CDH2: variants seen among roughly 807,000 people sequenced by gnomAD.
CDH2 encodes the protein cadherin 2.
Under a neutral mutation model 92.0 loss-of-function variants are expected in CDH2, and 17 were observed. That is an observed-to-expected ratio of 0.18 (90% confidence interval 0.13 to 0.28). CDH2 has a LOEUF of 0.28. Among genes scored for constraint, CDH2 ranks in the 10% least tolerant of loss-of-function variants. The pLI is 1.00. For missense variants in CDH2, 862 were observed against 1,133.1 expected, an observed-to-expected ratio of 0.76 and a Z score of 3.44; for synonymous variants, 419 against 415.9, an observed-to-expected ratio of 1.01 and a Z score of -0.09.
Position 28,003,118 on chromosome 18 carries a change from A to G in CDH2, c.899T>C (p.Leu300Pro), listed in dbSNP as rs1342538298. 6 of 1,613,080 alleles carry G rather than the reference A, an allele frequency of 3.7e-6. No individual in the cohort carries two copies. Among genetic ancestry groups the G allele is most frequent in the Non-Finnish European group, 5.1e-6 (6 of 1,179,072 alleles). Reference sequence around the variant, plus strand: ...GATTCTGTACCTCAACATCCCATTGAGGGCATTGGGATCGTCAGCATCAAT... The same window carrying G: ...GATTCTGTACCTCAACATCCCATTGGGGGCATTGGGATCGTCAGCATCAAT... ...TAIDADDPNA[L>P]NGMLRYRIVS... The change falls in exon 7 of 16, where the codon CTC becomes CCC. Residue 300 changes from leucine to proline, a missense_variant. Around this residue, in one of 5 missense-constraint regions of CDH2, gnomAD observed 564 missense variants for 722.2 expected, o/e 0.78. Coordinates refer to ENST00000269141, the MANE Select transcript of CDH2 (RefSeq NM_001792.5).
chr18:28,177,001 G>A lies in CDH2; in HGVS notation c.22C>T (p.Leu8=), dbSNP rs1369360558. The A allele has an allele frequency of 2.0e-6, 3 of 1,483,380 alleles. No homozygotes were observed. Among genetic ancestry groups the A allele is most frequent in the Non-Finnish European group, 1.8e-6 (2 of 1,120,188 alleles). 91.9% of individuals were successfully genotyped at this position (1,483,380 alleles called of 1,614,324 possible). MCRIAGA[L]RTLLPLLAAL... is the part of the protein sequence containing the mutation. Reference sequence around the variant, plus strand: ...GCCAGCAGCGGCAGCAGGGTCCGCAGCGCTCCCGCTATCCGGCACATGGAG... The same window carrying A: ...GCCAGCAGCGGCAGCAGGGTCCGCAACGCTCCCGCTATCCGGCACATGGAG... Residue 8 remains leucine (L), a synonymous_variant, in exon 1 of 16, where the codon CTG becomes TTG. Transcript: ENST00000269141.
At position 28,152,117 on chromosome 18, in the gene CDH2, T is replaced by C. The variant is rs192097955; in HGVS notation, c.61-4333A>G. Reference sequence around the variant, plus strand: ...CAGATCCCTCGAATAGTGTGTTAAGTTCCGTATCACATTGTTATCTCACTT... The same window carrying C: ...CAGATCCCTCGAATAGTGTGTTAAGCTCCGTATCACATTGTTATCTCACTT... On this transcript the variant is annotated intron_variant, in intron 1 of 15. Coordinates refer to ENST00000269141, the MANE Select transcript of CDH2 (RefSeq NM_001792.5). 2.6e-5 allele frequency among the ~76,000 whole-genome samples: 4 copies of C among 152,292 alleles called. No homozygotes were observed. In the East Asian group the frequency reaches 7.7e-4, roughly 30 times the overall value.
At chr18:28,007,040 A>G (rs2012944838) in intron 5 of CDH2, among the ~76,000 whole-genome samples, 1 of 150,704 alleles carries the variant, frequency 6.6e-6, no homozygotes, top group African/African-American at 2.4e-5. Context: ...GGGTGCCTGT[A>G]ATCCCAGCTA....
At chr18:28,060,036 C>T (rs2014369982) in intron 2 of CDH2, among the ~76,000 whole-genome samples, 2 of 151,964 alleles carry the variant, frequency 1.3e-5, no homozygotes, top group Admixed American at 6.6e-5. Context: ...TTGATCAGAC[C>T]CTGGTTTTTT....
At chr18:28,102,964 C>T (rs1340325368) in intron 2 of CDH2, among the ~76,000 whole-genome samples, 2 of 151,476 alleles carry the variant, frequency 1.3e-5, no homozygotes, top group African/African-American at 2.4e-5. Context: ...GTACTTCTTA[C>T]GTATATCTGT....
chr18:28,175,493 C>CCGCACCATGG (rs987492419), intron 1 of CDH2, among the ~76,000 whole-genome samples: 1 of 152,210 alleles, frequency 6.6e-6, no homozygotes, highest in African/African-American at 2.4e-5. Flanking sequence ...GACAGGCGTG[C>CCGCACCATGG]CGCACCATGG....
At chr18:28,103,699 C>T (rs1001658049) in intron 2 of CDH2, among the ~76,000 whole-genome samples, 11 of 151,798 alleles carry the variant, frequency 7.2e-5, no homozygotes, top group African/African-American at 2.7e-4. Flanking sequence ...CCCCTCCCTG[C>T]ATACATGTGT....
At chr18:28,120,545 C>G (rs1598489164) in intron 2 of CDH2, among the ~76,000 whole-genome samples, 1 of 151,876 alleles carries the variant, frequency 6.6e-6, no homozygotes, top group African/African-American at 2.4e-5. Context: ...TATTCATGAC[C>G]AGAATTGATA....
chr18:28,042,113 A>G (rs1403164193), intron 2 of CDH2, among the ~76,000 whole-genome samples: 1 of 152,106 alleles, frequency 6.6e-6, no homozygotes, highest in East Asian at 1.9e-4. Context: ...TACACTATGT[A>G]TTTTTTCTAT....
At position 27,985,644 on chromosome 18, in the gene CDH2, G is replaced by T; in HGVS notation, c.1859C>A (p.Ser620Ter). ...ATAATCAAGTGCTGTAATATTAATT[G>T]AATTGGGGTCTGGAGTTTCGCAAGT... ...AETCETPDPN[S>*]INITALDYDI... Residue 620 changes from serine (S) to a stop codon, truncating the protein, a stop_gained, in exon 12 of 16, where the codon TCA (serine) becomes TAA (stop). Coordinates refer to ENST00000269141, the MANE Select transcript of CDH2 (RefSeq NM_001792.5). LOFTEE classifies it high-confidence loss of function. The T allele has an allele frequency of 6.2e-7, 1 of 1,613,698 alleles. No individual in the cohort carries two copies. Among genetic ancestry groups the T allele is most frequent in the African/African-American group, 1.3e-5 (1 of 75,024 alleles).
In CDH2 at chr18:27,985,561, T is replaced by G. The variant is rs1567950067; in HGVS notation, c.1942A>C (p.Ile648Leu). Reference protein sequence around the residue: ...AFDLPLSPVTIKRNWTITRLN... With the variant: ...AFDLPLSPVTLKRNWTITRLN... Reference sequence around the variant, plus strand: ...CGAGTGATGGTCCAATTTCTCTTAATAGTCACTGGAGATAAAGGAAGATCA... The same window carrying G: ...CGAGTGATGGTCCAATTTCTCTTAAGAGTCACTGGAGATAAAGGAAGATCA... Residue 648 changes from isoleucine (I) to leucine (L), a missense_variant, in exon 12 of 16, where the codon ATT becomes CTT. By Grantham distance (5) the Ile-to-Leu change is conservative (BLOSUM62 2). Coordinates refer to ENST00000269141, the MANE Select transcript of CDH2 (RefSeq NM_001792.5). The G allele has an allele frequency of 6.2e-7, 1 of 1,612,648 alleles. No individual in the cohort carries two copies. Among genetic ancestry groups the G allele is most frequent in the Admixed American group, 1.7e-5 (1 of 60,020 alleles).
intron 1 of CDH2, among the ~76,000 whole-genome samples, 173 bp downstream of exon 1, chr18:28,176,790 C>G (rs991753418): frequency 6.6e-6 from 1 of 151,158 alleles, no homozygotes; most frequent in African/African-American, 2.4e-5. Flanking sequence ...CCCCGGCGCC[C>G]GGACGGAGCC....
intron 1 of CDH2, among the ~76,000 whole-genome samples, chr18:28,172,369 T>C (rs1009348072): frequency 6.6e-6 from 1 of 152,194 alleles, no homozygotes; most frequent in African/African-American, 2.4e-5. Flanking sequence ...TAGCTCTTAC[T>C]AAAACATTAA....
At chr18:28,118,614 C>T (rs113630215) in intron 2 of CDH2, among the ~76,000 whole-genome samples, 17 of 149,226 alleles carry the variant, frequency 1.1e-4, no homozygotes, top group South Asian at 4.2e-4. Flanking sequence ...TGTGTGTGTG[C>T]GCTGACTTTA....
chr18:27,984,247 A>G (rs1476642360), intron 13 of CDH2, among the ~76,000 whole-genome samples: 2 of 152,256 alleles, frequency 1.3e-5, no homozygotes, highest in African/African-American at 4.8e-5. Context: ...TGATTGGTGC[A>G]TAGCATGATC....
chr18:27,973,756 G>A (rs1377621588), intron 14 of CDH2, among the ~76,000 whole-genome samples: 1 of 152,202 alleles, frequency 6.6e-6, no homozygotes, highest in East Asian at 1.9e-4. Flanking sequence ...AATTAGGAGT[G>A]GAAGGGATGT....
chr18:27,969,043 T>C (rs1307955098), intron 14 of CDH2, among the ~76,000 whole-genome samples: 3 of 152,236 alleles, frequency 2.0e-5, no homozygotes, highest in Admixed American at 1.3e-4. Context: ...GCAAGCTTTA[T>C]GTAAATTACA....
At chr18:28,142,491 A>G (rs1374366385) in intron 2 of CDH2, among the ~76,000 whole-genome samples, 4 of 135,500 alleles carry the variant, frequency 3.0e-5, no homozygotes, top group African/African-American at 6.6e-5. Flanking sequence ...ATTGAAATAG[A>G]AAAAAAAAAA....
chr18:28,153,399 G>A (rs150639688), intron 1 of CDH2, among the ~76,000 whole-genome samples: 7 of 152,208 alleles, frequency 4.6e-5, no homozygotes, highest in Non-Finnish European at 1.0e-4. Flanking sequence ...ATTCCAGCTG[G>A]CTTTAGTCAT....
Sources: allele counts gnomAD v4.1 joint callset (sites outside exome capture counted in the v4.1 genomes callset), GRCh38; gene constraint gnomAD v4.1.1; regional missense constraint gnomAD v4.1.1; transcripts MANE v1.5; gene names NCBI Gene and HGNC (gene_info 2026-07-23, HGNC 2026-07-21).